SFXN5: variants seen among roughly 807,000 people sequenced by gnomAD.
The protein encoded by SFXN5 is sideroflexin-5.
SFXN5 carries 43 observed loss-of-function variants against 50.2 expected under a neutral mutation model. The ratio of observed to expected loss-of-function variants is 0.86; its 90% CI spans 0.67 to 1.11. SFXN5 has a LOEUF of 1.11. Ranked by LOEUF, SFXN5 falls within the 50% of genes least tolerant of loss-of-function variation. The pLI, the probability that SFXN5 is intolerant of heterozygous loss-of-function variation, is 0.00. For missense variants in SFXN5, 463 were observed against 454.1 expected, an observed-to-expected ratio of 1.02 and a Z score of -0.18; for synonymous variants, 203 against 185.8, an observed-to-expected ratio of 1.09 and a Z score of -0.75.
At chr2:72,948,525 C>T (rs887592263) in intron 13 of SFXN5, among the ~76,000 whole-genome samples, 7 of 152,212 alleles carry the variant, frequency 4.6e-5, no homozygotes, top group African/African-American at 9.6e-5. Context: ...CTTCCCATGC[C>T]GGCTTTCACT....
At chr2:72,962,138 A>G (rs1673820561) in intron 12 of SFXN5, among the ~76,000 whole-genome samples, 2 of 152,236 alleles carry the variant, frequency 1.3e-5, no homozygotes, top group African/African-American at 2.4e-5. Context: ...CGGGGACCAC[A>G]GCATTCCACC....
At chr2:73,057,964 G>A (rs1034964000) in intron 2 of SFXN5, 1 of 152,134 alleles carries the variant, frequency 6.6e-6, no homozygotes, top group African/African-American at 2.4e-5. Context: ...ACCCAGTCTC[G>A]GGAATTTCTT....
At position 72,950,259 on chromosome 2, in the gene SFXN5, C is replaced by CGTCA. The variant is rs931402793; in HGVS notation, c.946-5164_946-5161dup. 4.3e-4 allele frequency among the ~76,000 whole-genome samples: 66 copies of CGTCA among 152,252 alleles called. No individual in the cohort carries two copies. Among genetic ancestry groups the CGTCA allele is most frequent in the African/African-American group, 1.5e-3 (62 of 41,540 alleles). The stretch of plus-strand genomic sequence containing the variant: ...GCCACAAACACTGAGCAGCCATGAG[C>CGTCA]GTCAGAGAGAGTTTTCTGAGAGTTG... On this transcript the variant is annotated intron_variant, in intron 13 of 13. Transcript: ENST00000272433. The surrounding 1 kb of genome is among the most constrained non-coding windows in gnomAD (Gnocchi z 4.2).
chr2:73,046,711 T>G (rs1407025698), intron 2 of SFXN5, among the ~76,000 whole-genome samples: 1 of 152,144 alleles, frequency 6.6e-6, no homozygotes, highest in Non-Finnish European at 1.5e-5. Context: ...GTATGTTCAG[T>G]GTCATAATTG....
At chr2:72,958,703 C>T (rs955856946) in intron 13 of SFXN5, among the ~76,000 whole-genome samples, 9 of 5,732 alleles carry the variant, frequency 1.6e-3, no homozygotes, top group African/African-American at 0.015. Flanking sequence ...GAGAAATACC[C>T]GCCTTCCCTC....
At chr2:72,964,139 T>C (rs945232205) in intron 12 of SFXN5, among the ~76,000 whole-genome samples, 2 of 152,340 alleles carry the variant, frequency 1.3e-5, no homozygotes, top group South Asian at 4.1e-4. Context: ...GCAAGGCAGG[T>C]CCCAGCCATG....
Position 72,960,640 on chromosome 2 carries a change from C to T in SFXN5, c.945+491G>A, listed in dbSNP as rs1673618195. On this transcript the variant is annotated intron_variant, in intron 13 of 13. Transcript: ENST00000272433. The surrounding 1 kb of genome is among the most constrained non-coding windows in gnomAD (Gnocchi z 6.1). ...TCTGTTCTGGCTTCCAAGTTCCCAACACCACCCAGCCCAGCCCCTCATTCC... is the reference window on the plus strand; with the variant it reads ...TCTGTTCTGGCTTCCAAGTTCCCAATACCACCCAGCCCAGCCCCTCATTCC... 6.6e-6 allele frequency among the ~76,000 whole-genome samples: 1 copy of T among 152,126 alleles called. No homozygotes were observed. Among genetic ancestry groups the T allele is most frequent in the Non-Finnish European group, 1.5e-5 (1 of 68,026 alleles).
rs747929641 is a variant in SFXN5 at position 73,001,513 on chromosome 2, C to T, written c.411+12G>A. The T allele has an allele frequency of 4.8e-5, 77 of 1,613,976 alleles. 1 individual carries two copies. In the Admixed American group the frequency reaches 1.0e-3, roughly 21 times the overall value. On this transcript the variant is annotated intron_variant, in intron 7 of 13. Transcript: ENST00000272433. Reference sequence around the variant, plus strand: ...CTTCCTTCAGGAGCCCTGTTTGCTGCGAGACTGTTACCTGCCAGAAGACAG... The same window carrying T: ...CTTCCTTCAGGAGCCCTGTTTGCTGTGAGACTGTTACCTGCCAGAAGACAG...
At chr2:73,058,693 C>G in intron 1 of SFXN5, 97 bp from the exon 2 acceptor site, 1 of 1,149,096 alleles carries the variant, frequency 8.7e-7, no homozygotes, top group South Asian at 1.3e-5. Flanking sequence ...TGGGGTCCCC[C>G]GGTCCCCAGG....
intron 10 of SFXN5, among the ~76,000 whole-genome samples, chr2:72,979,301 T>C (rs957125152): frequency 2.6e-5 from 4 of 152,172 alleles, no homozygotes; most frequent in Admixed American, 6.5e-5. Flanking sequence ...TCTCTTTCTC[T>C]ATTTCTTCAA....
chr2:72,976,857 G>T (rs751916894), intron 10 of SFXN5, among the ~76,000 whole-genome samples: 2 of 152,128 alleles, frequency 1.3e-5, no homozygotes, highest in South Asian at 4.1e-4. Context: ...ATAAGATATG[G>T]GGACCTGGAA....
At chr2:72,982,726 C>T (rs1671466163) in intron 10 of SFXN5, among the ~76,000 whole-genome samples, 1 of 152,154 alleles carries the variant, frequency 6.6e-6, no homozygotes, top group Non-Finnish European at 1.5e-5. Context: ...TGAGCAGAGT[C>T]ACAAAGGCCT....
chr2:73,041,105 G>A (rs961307572), intron 2 of SFXN5, among the ~76,000 whole-genome samples, 174 bp from the exon 3 acceptor site: 5 of 152,218 alleles, frequency 3.3e-5, no homozygotes, highest in East Asian at 1.9e-4. Context: ...GTTCTTACTC[G>A]GCAGTTTAAA....
intron 1 of SFXN5, among the ~76,000 whole-genome samples, chr2:73,067,297 T>C (rs57868938): frequency 0.06 from 9,170 of 152,232 alleles, 327 homozygotes; most frequent in East Asian, 0.14. Flanking sequence ...GTACTATGAC[T>C]GCCGCAGACC....
In SFXN5 at chr2:73,023,212, G is replaced by C; in HGVS notation, c.252C>G (p.Leu84=). The C allele has an allele frequency of 6.2e-7, 1 of 1,602,238 alleles. No homozygotes were observed. Among genetic ancestry groups the C allele is most frequent in the Non-Finnish European group, 8.5e-7 (1 of 1,173,764 alleles). ...CCTGCTTGATTTTCTGTGCACTCCA[G>C]AGCTGGAAGAGAGATAAAGGAAAAG... ...TLRPGVTNEQ[L]WSAQKIKQAI... is the part of the protein sequence containing the mutation. Residue 84 remains leucine, a splice_region_variant and synonymous_variant, in exon 4 of 14, where the codon CTC becomes CTG. Transcript: ENST00000272433.
At chr2:72,980,267 A>G (rs922805686) in intron 10 of SFXN5, among the ~76,000 whole-genome samples, 2 of 152,174 alleles carry the variant, frequency 1.3e-5, no homozygotes, top group African/African-American at 4.8e-5. Context: ...CCCTCCCCAG[A>G]GGCAACCACT....
chr2:72,956,773 G>A (rs115043391), intron 13 of SFXN5, among the ~76,000 whole-genome samples: 1,962 of 152,224 alleles, frequency 0.013, 46 homozygotes, highest in African/African-American at 0.045. Flanking sequence ...CCCGCCTTGG[G>A]CTCTGGGCAT....
chr2:72,959,441 A>G (rs1673462984), intron 13 of SFXN5, among the ~76,000 whole-genome samples: 1 of 151,588 alleles, frequency 6.6e-6, no homozygotes, highest in South Asian at 2.1e-4. Context: ...CGTGCTGCTC[A>G]GCCTCCTCAC....
At chr2:72,987,732 G>C (rs765796407) in intron 10 of SFXN5, among the ~76,000 whole-genome samples, 1 of 152,124 alleles carries the variant, frequency 6.6e-6, no homozygotes, top group African/African-American at 2.4e-5. Flanking sequence ...TCCAGCCTGA[G>C]TGACAAGAGT....
Sources: allele counts gnomAD v4.1 joint callset (sites outside exome capture counted in the v4.1 genomes callset), GRCh38; gene constraint gnomAD v4.1.1; non-coding constraint Gnocchi (gnomAD v3.1); transcripts MANE v1.5; gene names NCBI Gene and HGNC (gene_info 2026-07-23, HGNC 2026-07-21).